Variants in JADE3 observed in about 807,000 individuals in gnomAD.
JADE3 encodes jade family PHD finger 3.
Under a neutral mutation model 50.1 loss-of-function variants are expected in JADE3, and 2 were observed. The ratio of observed to expected loss-of-function variants is 0.04; its 90% CI spans 0.02 to 0.13. The LOEUF (loss-of-function observed/expected upper bound fraction) is 0.13, where lower values mean the gene tolerates loss of function less well. Among genes scored for constraint, JADE3 ranks in the 10% least tolerant of loss-of-function variants. The pLI, the probability that JADE3 is intolerant of heterozygous loss-of-function variation, is 1.00. For missense variants in JADE3, 475 were observed against 634.4 expected (o/e 0.75, Z 2.70); for synonymous variants, 218 against 232.9 (o/e 0.94, Z 0.58).
intron 1 of JADE3, among the ~76,000 whole-genome samples, chrX:46,977,858 A>G (rs1927659607): frequency 9.0e-6 from 1 of 111,534 alleles, no homozygotes; most frequent in Admixed American, 9.5e-5. Flanking sequence ...AGACTGGAAG[A>G]GTGTAATCCC....
In JADE3 at chrX:47,020,925, G is replaced by A. The variant is rs781964623; in HGVS notation, c.285-3799G>A. 2.7e-5 allele frequency among the ~76,000 whole-genome samples: 3 copies of A among 110,239 alleles called. No individual in the cohort carries two copies. In the South Asian group the frequency reaches 1.2e-3, roughly 44 times the overall value. On this transcript the variant is annotated intron_variant, in intron 4 of 10. Transcript: ENST00000614628. Reference sequence around the variant, plus strand: ...AGCCCAGGAGTTCAAGACTAGCCTGGGCAACACAGTGAGACCCCATCTCTA... The same window carrying A: ...AGCCCAGGAGTTCAAGACTAGCCTGAGCAACACAGTGAGACCCCATCTCTA...
At chrX:47,044,183 A>G (rs1318015278) in intron 8 of JADE3, among the ~76,000 whole-genome samples, 1 of 110,612 alleles carries the variant, frequency 9.0e-6, no homozygotes, top group African/African-American at 3.3e-5. Flanking sequence ...AGAAGATTAT[A>G]AAACATCAAG....
At chrX:46,977,220 T>A (rs782658729) in intron 1 of JADE3, among the ~76,000 whole-genome samples, 18 of 111,091 alleles carry the variant, frequency 1.6e-4, no homozygotes, top group African/African-American at 5.2e-4. Flanking sequence ...ACTAGCCAGG[T>A]GTGGCAGAGC....
chrX:46,929,235 T>C (rs1926440922), intron 1 of JADE3, among the ~76,000 whole-genome samples: 2 of 112,415 alleles, frequency 1.8e-5, no homozygotes, highest in South Asian at 3.7e-4. Flanking sequence ...ATGAAACTTA[T>C]ACAGGAGCGG....
intron 1 of JADE3, among the ~76,000 whole-genome samples, chrX:46,922,047 C>T (rs929001339): frequency 2.8e-5 from 3 of 108,455 alleles, no homozygotes; most frequent in Admixed American, 1.0e-4. Flanking sequence ...TCAGGCACCT[C>T]TCCCAATGCT....
rs183986180 is a variant in JADE3, at chrX:47,008,594, A to T, written c.284+10317A>T. On this transcript the variant is annotated intron_variant, in intron 4 of 10. Coordinates refer to ENST00000614628, the MANE Select transcript of JADE3 (RefSeq NM_014735.5). The stretch of plus-strand genomic sequence containing the variant: ...TAGTCAATGGGAAGATAGCTTTTTA[A>T]TGTTTTGACAAAATTTTTAAAGGTC... Among the ~76,000 whole-genome samples, 4 of 112,011 alleles carry T rather than the reference A, an allele frequency of 3.6e-5. No individual in the cohort carries two copies. The East Asian group carries it at 1.1e-3, about 31-fold the overall frequency.
At chrX:46,972,396 G>T (rs782559050) in intron 1 of JADE3, among the ~76,000 whole-genome samples, 5 of 110,732 alleles carry the variant, frequency 4.5e-5, no homozygotes, top group Non-Finnish European at 9.5e-5. Flanking sequence ...TGGTTTTGCC[G>T]TGTTGTCCAG....
chrX:46,999,472 CAT>C (rs1273549311), intron 4 of JADE3, among the ~76,000 whole-genome samples: 2 of 99,690 alleles, frequency 2.0e-5, no homozygotes, highest in African/African-American at 7.3e-5. Context: ...ACATATATAA[CAT>C]ATATATATAT....
chrX:46,913,970 A>C (rs191797801), intron 1 of JADE3, among the ~76,000 whole-genome samples: 1 of 111,180 alleles, frequency 9.0e-6, no homozygotes, highest in East Asian at 2.8e-4. Flanking sequence ...TGATTGTGTA[A>C]GAAGTCAAAA....
intron 1 of JADE3, among the ~76,000 whole-genome samples, chrX:46,962,338 C>T (rs1927280210): frequency 8.9e-6 from 1 of 112,139 alleles, no homozygotes; most frequent in African/African-American, 3.2e-5. Context: ...CAAGCACACA[C>T]TGATAGTAAT....
intron 5 of JADE3, 54 bp downstream of exon 5, chrX:47,024,968 G>C: frequency 1.5e-6 from 1 of 675,939 alleles, no homozygotes; most frequent in Non-Finnish European, 2.2e-6. Context: ...TTTTTTTTAA[G>C]TTATCAGAAC....
chrX:46,930,481 GA>G (rs782279587), intron 1 of JADE3, among the ~76,000 whole-genome samples: 1 of 112,335 alleles, frequency 8.9e-6, no homozygotes, highest in East Asian at 2.8e-4. Context: ...GTTTTGGGGT[GA>G]ATTACATAGC....
chrX:46,975,714 C>CTTTTTTTTTTTTTTTT (rs782578317), intron 1 of JADE3, among the ~76,000 whole-genome samples: 3 of 40,522 alleles, frequency 7.4e-5, no homozygotes, highest in African/African-American at 1.1e-4. Flanking sequence ...TTTTCTTTTT[C>CTTTTTTTTTTTTTTTT]TTTTTTTTTT....
At chrX:47,041,996 CTTT>C (rs1248210041) in intron 8 of JADE3, among the ~76,000 whole-genome samples, 1 of 104,026 alleles carries the variant, frequency 9.6e-6, no homozygotes, top group African/African-American at 3.5e-5. Context: ...TTCTTTTTTT[CTTT>C]TTTTTTTAAA....
intron 7 of JADE3, among the ~76,000 whole-genome samples, chrX:47,035,687 G>A (rs1290828471): frequency 9.0e-6 from 1 of 111,199 alleles, no homozygotes; most frequent in African/African-American, 3.3e-5. Flanking sequence ...ACCAGTACTA[G>A]TTTGGCATCC....
chrX:46,948,246 C>A (rs1297377999), intron 1 of JADE3, among the ~76,000 whole-genome samples: 8 of 112,154 alleles, frequency 7.1e-5, no homozygotes, highest in African/African-American at 2.3e-4. Flanking sequence ...TGTGAAAGTG[C>A]CTTTGGACAG....
intron 1 of JADE3, among the ~76,000 whole-genome samples, chrX:46,948,558 C>G (rs372225078): frequency 3.1e-4 from 35 of 111,301 alleles, no homozygotes; most frequent in African/African-American, 8.5e-4. Flanking sequence ...GTTCAGCAGA[C>G]AAGAATGTAG....
intron 7 of JADE3, among the ~76,000 whole-genome samples, chrX:47,035,259 C>T (rs1281247598): frequency 9.0e-6 from 1 of 111,401 alleles, no homozygotes; most frequent in Non-Finnish European, 1.9e-5. Context: ...ACTCATTCTC[C>T]TTTAAGATTT....
intron 4 of JADE3, among the ~76,000 whole-genome samples, chrX:47,004,488 T>C (rs1286542047): frequency 8.9e-6 from 1 of 112,053 alleles, no homozygotes; most frequent in Non-Finnish European, 1.9e-5. Flanking sequence ...TGCAGTGAAA[T>C]GGCACAATCA....
Sources: allele counts gnomAD v4.1 joint callset (sites outside exome capture counted in the v4.1 genomes callset), GRCh38; gene constraint gnomAD v4.1.1; transcripts MANE v1.5; gene names NCBI Gene and HGNC (gene_info 2026-07-23, HGNC 2026-07-21).